JMJD1C: variants seen among roughly 807,000 people sequenced by gnomAD.
JMJD1C encodes jumonji domain containing 1C.
A neutral mutation model predicts 245.3 loss-of-function variants in JMJD1C; 31 were observed. That is an observed-to-expected ratio of 0.13 (90% CI 0.09 to 0.17). JMJD1C has a LOEUF of 0.17. JMJD1C is among the 10% of genes least tolerant of loss of function. The pLI is 1.00. For missense variants in JMJD1C, 2,691 were observed against 3,000.2 expected (o/e 0.90, Z 2.41); for synonymous variants, 1,057 against 1,017.4 (o/e 1.04, Z -0.74).
rs570833848 is a variant in JMJD1C at position 63,260,965 on chromosome 10, AAC to A, written c.447+3684_447+3685del. ...CCTCCTTCTTCCCAGCTAGCTAAAAAACACAGTAGAATCTGCAGATTTCCCCA... is the reference window on the plus strand; with the variant it reads ...CCTCCTTCTTCCCAGCTAGCTAAAAAACAGTAGAATCTGCAGATTTCCCCA... On this transcript the variant is annotated intron_variant, in intron 3 of 25. Transcript: ENST00000399262. Among the ~76,000 whole-genome samples the A allele has an allele frequency of 1.3e-3, 198 of 152,208 alleles. 1 individual carries two copies. The highest frequency in any genetic ancestry group is 2.2e-3 in the Non-Finnish European group (149 of 68,016).
chr10:63,376,054 T>C (rs1946715199), intron 2 of JMJD1C, among the ~76,000 whole-genome samples: 1 of 152,036 alleles, frequency 6.6e-6, no homozygotes, highest in Admixed American at 6.6e-5. Flanking sequence ...AAAGCAACAG[T>C]AATCAAAACA....
At chr10:63,239,727 G>T (rs1359023197) in intron 3 of JMJD1C, among the ~76,000 whole-genome samples, 1 of 152,166 alleles carries the variant, frequency 6.6e-6, no homozygotes, top group Non-Finnish European at 1.5e-5. Flanking sequence ...TTATAGGCGT[G>T]AGCCACCGCT....
At chr10:63,343,719 T>C (rs1943573579) in intron 2 of JMJD1C, among the ~76,000 whole-genome samples, 1 of 152,116 alleles carries the variant, frequency 6.6e-6, no homozygotes, top group African/African-American at 2.4e-5. Context: ...ATTATAACAC[T>C]GTACTGCAAT....
intron 2 of JMJD1C, among the ~76,000 whole-genome samples, chr10:63,337,925 A>G (rs576898027): frequency 3.3e-5 from 5 of 152,366 alleles, no homozygotes; most frequent in East Asian, 1.9e-4. Context: ...CTTAATCACC[A>G]TAAGAATCTC....
chr10:63,314,798 C>T (rs542979475), intron 2 of JMJD1C, among the ~76,000 whole-genome samples: 1 of 152,176 alleles, frequency 6.6e-6, no homozygotes, highest in South Asian at 2.1e-4. Flanking sequence ...TAGGCATGCA[C>T]CACTACGCCT....
At chr10:63,499,350 G>C (rs548592145) in intron 1 of JMJD1C, among the ~76,000 whole-genome samples, 6 of 152,324 alleles carry the variant, frequency 3.9e-5, no homozygotes, top group African/African-American at 1.4e-4. Context: ...AGGCAGACAA[G>C]GGTTCCGATT....
At chr10:63,498,750 T>C (rs557672185) in intron 1 of JMJD1C, among the ~76,000 whole-genome samples, 1 of 152,290 alleles carries the variant, frequency 6.6e-6, no homozygotes, top group African/African-American at 2.4e-5. Flanking sequence ...ATCTACCTTC[T>C]TAACAAATGT....
chr10:63,258,847 C>A (rs1040265213), intron 3 of JMJD1C, among the ~76,000 whole-genome samples: 5 of 152,100 alleles, frequency 3.3e-5, no homozygotes, highest in Non-Finnish European at 5.9e-5. Context: ...TTTAAAAAAT[C>A]ATTAAACAAC....
In JMJD1C at chr10:63,273,122, T is replaced by C. The variant is rs539406562; in HGVS notation, c.334-8358A>G. On this transcript the variant is annotated intron_variant, in intron 2 of 25. Coordinates refer to ENST00000399262, the MANE Select transcript of JMJD1C (RefSeq NM_032776.3). ...ACTACTAAAAATACTATAGAATCAA[T>C]TCTTGATGCAAAGGATGCAGAGTTA... 2.0e-5 allele frequency among the ~76,000 whole-genome samples: 3 copies of C among 152,336 alleles called. No individual in the cohort carries two copies. In the East Asian group the frequency reaches 5.8e-4, roughly 29 times the overall value.
At chr10:63,396,225 T>A (rs1166587749) in intron 1 of JMJD1C, among the ~76,000 whole-genome samples, 1 of 152,124 alleles carries the variant, frequency 6.6e-6, no homozygotes, top group Non-Finnish European at 1.5e-5. Flanking sequence ...ACATTCTAAA[T>A]CTCACGTGCC....
intron 2 of JMJD1C, among the ~76,000 whole-genome samples, chr10:63,351,572 A>C (rs1443333693): frequency 6.6e-6 from 1 of 152,198 alleles, no homozygotes; most frequent in Non-Finnish European, 1.5e-5. Context: ...TTTTACCCTG[A>C]GAGCATTTGC....
chr10:63,200,386 C>T (rs932653753), intron 11 of JMJD1C, 90 bp downstream of exon 11: 1 of 905,138 alleles, frequency 1.1e-6, no homozygotes, highest in Non-Finnish European at 1.7e-6. Flanking sequence ...CTTACTCCCC[C>T]ATCCAAAAGG....
chr10:63,387,295 T>G (rs1045251983), intron 1 of JMJD1C, among the ~76,000 whole-genome samples: 1 of 151,968 alleles, frequency 6.6e-6, no homozygotes, highest in African/African-American at 2.4e-5. Flanking sequence ...TGATAATAAA[T>G]TCAAAGGAAC....
chr10:63,276,632 C>G (rs1352395701), intron 2 of JMJD1C, among the ~76,000 whole-genome samples: 4 of 152,092 alleles, frequency 2.6e-5, no homozygotes, highest in African/African-American at 9.7e-5. Flanking sequence ...TACGCCCCAG[C>G]TAATCTTTGT....
At chr10:63,473,827 G>T (rs1017259712) in intron 1 of JMJD1C, among the ~76,000 whole-genome samples, 7 of 151,904 alleles carry the variant, frequency 4.6e-5, no homozygotes, top group Non-Finnish European at 1.0e-4. Context: ...CGGATCACCT[G>T]AGGTCAGGAG....
At position 63,224,880 on chromosome 10, in the gene JMJD1C, G is replaced by C. The variant is rs187236798; in HGVS notation, c.448-4897C>G. Among the ~76,000 whole-genome samples, 878 of 152,124 alleles carry C rather than the reference G, an allele frequency of 5.8e-3. 2 individuals carry two copies. Among genetic ancestry groups the C allele is most frequent in the Middle Eastern group, 0.017 (5 of 294 alleles). On this transcript the variant is annotated intron_variant, in intron 3 of 25. Coordinates refer to ENST00000399262, the MANE Select transcript of JMJD1C (RefSeq NM_032776.3). ...AGTTCGAGACCATCCTGGCCAACAT[G>C]GTGAAACCCCATCTCTACTAAAAAT...
intron 1 of JMJD1C, among the ~76,000 whole-genome samples, chr10:63,444,336 C>T (rs1210779980): frequency 2.6e-5 from 4 of 152,144 alleles, no homozygotes; most frequent in African/African-American, 7.2e-5. Flanking sequence ...TGCAGTGGCA[C>T]AATCTCGACT....
chr10:63,500,566 T>C (rs1281654241), intron 1 of JMJD1C, among the ~76,000 whole-genome samples: 1 of 152,056 alleles, frequency 6.6e-6, no homozygotes, highest in Admixed American at 6.6e-5. Context: ...AAACCCTGTC[T>C]CTACTAAAAA....
At chr10:63,427,032 G>A (rs1024382710) in intron 1 of JMJD1C, among the ~76,000 whole-genome samples, 2 of 152,186 alleles carry the variant, frequency 1.3e-5, no homozygotes, top group Admixed American at 1.3e-4. Context: ...TTAAAAATAA[G>A]TATCATGGTT....
Sources: gnomAD v4.1 joint callset for allele counts (sites outside exome capture counted in the v4.1 genomes callset) on GRCh38, gnomAD v4.1.1 for gene constraint, MANE v1.5 for transcripts, NCBI Gene and HGNC (gene_info 2026-07-23, HGNC 2026-07-21) for gene names.